Variants in THSD7B observed in about 807,000 individuals in gnomAD.
THSD7B encodes thrombospondin type 1 domain containing 7B.
THSD7B carries 138 observed loss-of-function variants against 213.6 expected under a neutral mutation model. The observed-to-expected ratio is 0.65, with a 90% confidence interval of 0.56 to 0.74. The LOEUF is 0.74. Among genes scored for constraint, THSD7B ranks in the 30% least tolerant of loss-of-function variants. THSD7B has a pLI of 0.00. For missense variants in THSD7B, 1,931 were observed against 1,991.5 expected (o/e 0.97, Z 0.58); for synonymous variants, 742 against 687.0 (o/e 1.08, Z -1.25).
chr2:137,083,806 T>C (rs145081149), intron 3 of THSD7B, among the ~76,000 whole-genome samples: 38 of 152,274 alleles, frequency 2.5e-4, no homozygotes, highest in African/African-American at 8.9e-4. Context: ...GTAATTATGC[T>C]ATAATTTGGG....
chr2:137,461,785 T>C (rs560077540), intron 15 of THSD7B, among the ~76,000 whole-genome samples: 2 of 152,212 alleles, frequency 1.3e-5, no homozygotes, highest in East Asian at 3.9e-4. Flanking sequence ...CAAATAACCA[T>C]GCTCAGGTAA....
chr2:136,913,563 C>G (rs1684303079), intron 2 of THSD7B, among the ~76,000 whole-genome samples: 1 of 152,176 alleles, frequency 6.6e-6, no homozygotes, highest in African/African-American at 2.4e-5. Flanking sequence ...TTTCATGGGC[C>G]AGGCCCAGGA....
chr2:137,520,541 G>T (rs1680165799), intron 15 of THSD7B, among the ~76,000 whole-genome samples: 1 of 152,154 alleles, frequency 6.6e-6, no homozygotes, highest in African/African-American at 2.4e-5. Context: ...TTCGTTAAAA[G>T]CACTAAATTT....
In THSD7B at chr2:137,399,213, A is replaced by C. The variant is rs200267616; in HGVS notation, c.2501-6400A>C. On this transcript the variant is annotated intron_variant, in intron 12 of 27. Transcript: ENST00000409968. The stretch of plus-strand genomic sequence containing the variant: ...CCCACCCCTTTTTTTTTTTTTTTAA[A>C]CACAAGTCTTGCTCTGTTTCCCAGG... 1.3e-4 allele frequency among the ~76,000 whole-genome samples: 3 copies of C among 23,620 alleles called. 1 individual carries two copies. The highest frequency in any genetic ancestry group is 2.3e-4 in the African/African-American group (3 of 13,050). 15.5% of individuals were successfully genotyped at this position (23,620 alleles called of 152,430 possible). A position where few individuals can be genotyped will look rare whatever the true frequency, so the allele number is the denominator to read the frequency against.
At chr2:137,160,480 G>T in intron 6 of THSD7B, 112 bp downstream of exon 6, 1 of 1,366,700 alleles carries the variant, frequency 7.3e-7, no homozygotes, top group Admixed American at 2.5e-5. Context: ...GTAAAATTTA[G>T]ATAACCAGCT....
chr2:136,930,929 C>G (rs750445220), intron 2 of THSD7B, among the ~76,000 whole-genome samples: 1 of 152,130 alleles, frequency 6.6e-6, no homozygotes, highest in Non-Finnish European at 1.5e-5. Context: ...CAATATAGTA[C>G]TACATTCCCC....
intron 7 of THSD7B, among the ~76,000 whole-genome samples, chr2:137,218,373 T>G (rs61231010): frequency 0.012 from 1,835 of 152,246 alleles, 40 homozygotes; most frequent in African/African-American, 0.04. Flanking sequence ...TCACTCCTTG[T>G]GTTTTGAAAT....
chr2:137,454,710 A>G (rs1019700826), intron 15 of THSD7B, among the ~76,000 whole-genome samples: 4 of 152,082 alleles, frequency 2.6e-5, no homozygotes, highest in African/African-American at 9.7e-5. Context: ...AGAGGAGGCC[A>G]CTATTTGTTT....
In THSD7B at chr2:136,765,664, ACGG is replaced by A. The variant is rs1681373544; in HGVS notation, c.-51_-49del. 1 of 149,386 alleles carries A rather than the reference ACGG, an allele frequency of 6.7e-6. No individual in the cohort carries two copies. The highest frequency in any genetic ancestry group is 1.5e-5 in the Non-Finnish European group (1 of 67,252). The allele number at this position is 149,386 out of a possible 1,614,324, so 9.3% of individuals were successfully genotyped here. ...CGGGGCTCAGCGGCTCCCAGAGGTT[ACGG>A]CGGCGGCTCTGGCGAGACGGGTGAG... On this transcript the variant is annotated 5_prime_UTR_variant, in exon 1 of 28. Coordinates refer to ENST00000409968, the MANE Select transcript of THSD7B (RefSeq NM_001316349.2).
intron 12 of THSD7B, among the ~76,000 whole-genome samples, chr2:137,281,752 C>T (rs1439024420): frequency 6.6e-6 from 1 of 152,090 alleles, no homozygotes; most frequent in South Asian, 2.1e-4. Context: ...TTTATGGCTG[C>T]ATAGTATTCC....
chr2:137,673,553 T>TAA (rs1683626676), intron 27 of THSD7B, among the ~76,000 whole-genome samples: 1 of 151,984 alleles, frequency 6.6e-6, no homozygotes, highest in Admixed American at 6.5e-5. Context: ...GAGGAAAAAA[T>TAA]AAGAAATAAA....
At chr2:136,895,984 A>G (rs1235291767) in intron 2 of THSD7B, among the ~76,000 whole-genome samples, 1 of 152,226 alleles carries the variant, frequency 6.6e-6, no homozygotes, top group Non-Finnish European at 1.5e-5. Context: ...TTGTATGGAT[A>G]TAACACATTT....
At chr2:137,438,540 G>T (rs1404736419) in intron 14 of THSD7B, among the ~76,000 whole-genome samples, 1 of 152,016 alleles carries the variant, frequency 6.6e-6, no homozygotes, top group African/African-American at 2.4e-5. Flanking sequence ...AAATAAATGG[G>T]TGTGGCTCTG....
intron 2 of THSD7B, among the ~76,000 whole-genome samples, chr2:137,053,043 A>G (rs1380714676): frequency 6.6e-6 from 1 of 152,078 alleles, no homozygotes; most frequent in Non-Finnish European, 1.5e-5. Flanking sequence ...AAATGTCCTG[A>G]CCAAGGTTTA....
intron 26 of THSD7B, among the ~76,000 whole-genome samples, chr2:137,663,893 C>T (rs1219383766): frequency 1.3e-5 from 2 of 152,264 alleles, no homozygotes; most frequent in Middle Eastern, 6.8e-3. Context: ...ACTCTGTCGC[C>T]CAGGCTGCAG....
At chr2:137,052,077 T>C (rs1687079754) in intron 2 of THSD7B, among the ~76,000 whole-genome samples, 1 of 152,146 alleles carries the variant, frequency 6.6e-6, no homozygotes, top group Non-Finnish European at 1.5e-5. Context: ...AAAAGACAAA[T>C]CACAGAGCCT....
Position 137,646,265 on chromosome 2 carries a change from A to G in THSD7B, c.3945+3632A>G, listed in dbSNP as rs191182480. 1.9e-4 allele frequency among the ~76,000 whole-genome samples: 29 copies of G among 152,172 alleles called. 1 individual carries two copies. Among genetic ancestry groups the G allele is most frequent in the Non-Finnish European group, 4.4e-5 (3 of 68,014 alleles). On this transcript the variant is annotated intron_variant, in intron 21 of 27. Coordinates refer to ENST00000409968, the MANE Select transcript of THSD7B (RefSeq NM_001316349.2). Reference sequence around the variant, plus strand: ...CATGAACGGTATTAATGTCCTTATAAAAGAGGCCTGAAGGAGCTTCTTCTT... The same window carrying G: ...CATGAACGGTATTAATGTCCTTATAGAAGAGGCCTGAAGGAGCTTCTTCTT...
rs1680314167 is a variant in THSD7B at position 137,173,949 on chromosome 2, G to GT, written c.1723+3018dup. Among the ~76,000 whole-genome samples the GT allele has an allele frequency of 3.3e-5, 5 of 151,878 alleles. No individual in the cohort carries two copies. In the South Asian group the frequency reaches 8.3e-4, roughly 25 times the overall value. ...ATACAGTGTCCTTTGATTTCCTTTT[G>GT]TTTTTTTCTTTGTAACATTTGATAT... On this transcript the variant is annotated intron_variant, in intron 7 of 27. Coordinates refer to ENST00000409968, the MANE Select transcript of THSD7B (RefSeq NM_001316349.2).
intron 3 of THSD7B, among the ~76,000 whole-genome samples, chr2:137,064,612 G>T (rs922845841): frequency 3.3e-5 from 5 of 151,510 alleles, no homozygotes; most frequent in Non-Finnish European, 5.9e-5. Context: ...GTGTTTTTTT[G>T]ATTCTTTTTG....
Sources: allele counts gnomAD v4.1 joint callset (sites outside exome capture counted in the v4.1 genomes callset), GRCh38; gene constraint gnomAD v4.1.1; transcripts MANE v1.5; gene names NCBI Gene and HGNC (gene_info 2026-07-23, HGNC 2026-07-21).